Variants in MYO1E observed in about 807,000 individuals in gnomAD.
The protein encoded by MYO1E is unconventional myosin-Ie.
In MYO1E, 68 loss-of-function variants were observed where a neutral mutation model predicts 151.1. That is an observed-to-expected ratio of 0.45 (90% CI 0.37 to 0.55). The LOEUF is 0.55. MYO1E is among the 20% of genes least tolerant of loss of function. MYO1E has a pLI of 0.00. For missense variants in MYO1E, 1,363 were observed against 1,389.3 expected (o/e 0.98, Z 0.30); for synonymous variants, 601 against 501.7 (o/e 1.20, Z -2.64).
chr15:59,346,867 T>C (rs2080796802), intron 1 of MYO1E, among the ~76,000 whole-genome samples: 1 of 151,350 alleles, frequency 6.6e-6, no homozygotes, highest in Non-Finnish European at 1.5e-5. Flanking sequence ...CAGTGAGCCC[T>C]GATCATGCCA....
At chr15:59,326,808 T>C (rs76368915) in intron 1 of MYO1E, among the ~76,000 whole-genome samples, 2,298 of 152,312 alleles carry the variant, frequency 0.015, 59 homozygotes, top group African/African-American at 0.051. Context: ...TTTGTCAATA[T>C]GGTAAAAAGG....
chr15:59,291,167 G>T (rs1173188467), intron 1 of MYO1E, among the ~76,000 whole-genome samples: 1 of 152,218 alleles, frequency 6.6e-6, no homozygotes, highest in Non-Finnish European at 1.5e-5. Flanking sequence ...GGATTTGTAC[G>T]ATACTCTGTT....
At chr15:59,331,308 A>T (rs1409177727) in intron 1 of MYO1E, among the ~76,000 whole-genome samples, 1 of 152,210 alleles carries the variant, frequency 6.6e-6, no homozygotes, top group African/African-American at 2.4e-5. Context: ...TGGACACAGT[A>T]AGTGACAGGG....
chr15:59,319,965 T>C (rs2080615569), intron 1 of MYO1E, among the ~76,000 whole-genome samples: 1 of 152,074 alleles, frequency 6.6e-6, no homozygotes, highest in Admixed American at 6.6e-5. Context: ...AACTGACAAG[T>C]GACTTCAGTG....
intron 1 of MYO1E, among the ~76,000 whole-genome samples, chr15:59,335,860 G>A (rs538383238): frequency 5.9e-5 from 9 of 152,044 alleles, no homozygotes; most frequent in Non-Finnish European, 1.3e-4. Context: ...GATTCATGCG[G>A]AGGAATGAGT....
chr15:59,144,100 T>C lies in MYO1E; in HGVS notation c.3081-5733A>G, dbSNP rs1266812613. Among the ~76,000 whole-genome samples, 6 of 152,236 alleles carry C rather than the reference T, an allele frequency of 3.9e-5. 1 individual carries two copies. Among genetic ancestry groups the C allele is most frequent in the Admixed American group, 3.3e-4 (5 of 15,276 alleles). Reference sequence around the variant, plus strand: ...TGGGTTTGGGGCCAAGCTCTGCATCTGTAAAACCTGAGCAGATTCAGGCAA... The same window carrying C: ...TGGGTTTGGGGCCAAGCTCTGCATCCGTAAAACCTGAGCAGATTCAGGCAA... On this transcript the variant is annotated intron_variant, in intron 26 of 27. Transcript: ENST00000288235.
chr15:59,231,307 A>G (rs1406632554), intron 6 of MYO1E, among the ~76,000 whole-genome samples: 1 of 152,176 alleles, frequency 6.6e-6, no homozygotes, highest in African/African-American at 2.4e-5. Flanking sequence ...CTATGGACCA[A>G]GTTCTAAGAA....
chr15:59,226,366 C>A (rs2079991496), intron 7 of MYO1E, among the ~76,000 whole-genome samples: 2 of 151,932 alleles, frequency 1.3e-5, no homozygotes, highest in South Asian at 4.2e-4. Context: ...TGAAACAAAA[C>A]AAAACAAAAA....
rs1273920465 is a variant in MYO1E, at chr15:59,217,952, C to A, written c.1046G>T (p.Cys349Phe). ...IHVTLNVEQA[C>F]YTRDALAKAL... ...CTTGGCGAGCGCATCCCGGGTGTAA[C>A]AGGCCTGCTCTACGTTGAGGGTCAC... The change falls in exon 10 of 28, where the codon TGT becomes TTT. Residue 349 changes from cysteine to phenylalanine, a missense_variant. Cys to Phe is a radical substitution (Grantham distance 205). Transcript: ENST00000288235. The A allele has an allele frequency of 1.2e-6, 2 of 1,614,120 alleles. No homozygotes were observed. Among genetic ancestry groups the A allele is most frequent in the African/African-American group, 1.3e-5 (1 of 74,944 alleles).
At chr15:59,225,327 T>C (rs2079983046) in intron 7 of MYO1E, among the ~76,000 whole-genome samples, 1 of 152,224 alleles carries the variant, frequency 6.6e-6, no homozygotes, top group Non-Finnish European at 1.5e-5. Flanking sequence ...CTCACCACTC[T>C]GGCGGAACCC....
In MYO1E at chr15:59,255,384, A is replaced by T. The variant is rs544635477; in HGVS notation, c.332+900T>A. 4.6e-5 allele frequency among the ~76,000 whole-genome samples: 7 copies of T among 151,866 alleles called. No individual in the cohort carries two copies. In the South Asian group the frequency reaches 1.5e-3, roughly 32 times the overall value. On this transcript the variant is annotated intron_variant, in intron 4 of 27. Transcript: ENST00000288235. ...TGAGCCACCCCAACTGGAGTTAGTA[A>T]GCAGAATTTTATTTTATTATTTTTT...
At chr15:59,143,529 A>G (rs1025469683) in intron 26 of MYO1E, among the ~76,000 whole-genome samples, 2 of 151,984 alleles carry the variant, frequency 1.3e-5, no homozygotes, top group Admixed American at 1.3e-4. Flanking sequence ...CAGCCTGCAC[A>G]TGTCTACACC....
rs1365761221 is a variant in MYO1E at position 59,354,038 on chromosome 15, T to C, written c.3+18460A>G. On this transcript the variant is annotated intron_variant, in intron 1 of 27. Coordinates refer to ENST00000288235, the MANE Select transcript of MYO1E (RefSeq NM_004998.4). The stretch of plus-strand genomic sequence containing the variant: ...ACCACACACTAAGAAAAACCCCCAT[T>C]TGGAGAAAGCCACACCCTTCACTAA... Among the ~76,000 whole-genome samples the C allele has an allele frequency of 4.6e-5, 7 of 152,138 alleles. No individual in the cohort carries two copies. In the East Asian group the frequency reaches 1.2e-3, roughly 25 times the overall value.
chr15:59,277,401 T>C (rs2080325398), intron 1 of MYO1E, among the ~76,000 whole-genome samples: 1 of 151,826 alleles, frequency 6.6e-6, no homozygotes, highest in Non-Finnish European at 1.5e-5. Flanking sequence ...AAAATTTAGC[T>C]GGGCATGGTG....
Position 59,230,431 on chromosome 15 carries a change from GT to G in MYO1E, c.510+1270del, listed in dbSNP as rs1198804796. Among the ~76,000 whole-genome samples, 116 of 148,396 alleles carry G rather than the reference GT, an allele frequency of 7.8e-4. 6 individuals carry two copies. Among genetic ancestry groups the G allele is most frequent in the African/African-American group, 2.6e-3 (107 of 40,498 alleles). ...AATCAATGAAAATATCAATTTAATT[GT>G]TTTTTTTTTCTGGTCTCCAAGGAAT... On this transcript the variant is annotated intron_variant, in intron 6 of 27. Coordinates refer to ENST00000288235, the MANE Select transcript of MYO1E (RefSeq NM_004998.4).
At chr15:59,147,263 T>C (rs1348995793) in intron 26 of MYO1E, among the ~76,000 whole-genome samples, 2 of 152,188 alleles carry the variant, frequency 1.3e-5, no homozygotes, top group African/African-American at 4.8e-5. Flanking sequence ...TTCCATGGGC[T>C]GTTCATTGTT....
At position 59,201,983 on chromosome 15, in the gene MYO1E, A is replaced by G. The variant is rs567751133; in HGVS notation, c.1698+343T>C. 3.3e-5 allele frequency among the ~76,000 whole-genome samples: 5 copies of G among 152,374 alleles called. No homozygotes were observed. The South Asian group carries it at 1.0e-3, about 32-fold the overall frequency. Reference sequence around the variant, plus strand: ...TTGGGCCTGGCCTGGTAAACTGTCAACAGTATCCAAAACATGGCTCCGAAC... The same window carrying G: ...TTGGGCCTGGCCTGGTAAACTGTCAGCAGTATCCAAAACATGGCTCCGAAC... On this transcript the variant is annotated intron_variant, in intron 16 of 27. Transcript: ENST00000288235.
intron 1 of MYO1E, among the ~76,000 whole-genome samples, chr15:59,358,868 G>A (rs1444455683): frequency 2.0e-5 from 3 of 152,230 alleles, no homozygotes; most frequent in Middle Eastern, 3.4e-3. Context: ...TGAACTGTGG[G>A]TTAAGAGACT....
intron 26 of MYO1E, among the ~76,000 whole-genome samples, chr15:59,152,050 G>A (rs1011535335): frequency 1.3e-5 from 2 of 151,506 alleles, no homozygotes; most frequent in East Asian, 3.9e-4. Context: ...CCTGGCAACC[G>A]AGTGAGACTC....
Sources: gnomAD v4.1 joint callset for allele counts (sites outside exome capture counted in the v4.1 genomes callset) on GRCh38, gnomAD v4.1.1 for gene constraint, MANE v1.5 for transcripts, NCBI Gene and HGNC (gene_info 2026-07-23, HGNC 2026-07-21) for gene names.